The following CTNNA2 variants were observed in gnomAD, a reference collection of about 807,000 sequenced individuals.
The protein encoded by CTNNA2 is catenin alpha-2.
Under a neutral mutation model 101.0 loss-of-function variants are expected in CTNNA2, and 42 were observed. The observed-to-expected ratio is 0.42, with a 90% CI of 0.32 to 0.54. The LOEUF is 0.54. CTNNA2 is among the 20% of genes least tolerant of loss of function. CTNNA2 has a pLI of 0.14. For missense variants in CTNNA2, 871 were observed against 1,223.1 expected (o/e 0.71, Z 4.29); for synonymous variants, 450 against 456.4 (o/e 0.99, Z 0.18).
At chr2:80,161,112 T>C (rs1184377848) in intron 7 of CTNNA2, among the ~76,000 whole-genome samples, 1 of 152,166 alleles carries the variant, frequency 6.6e-6, no homozygotes, top group Non-Finnish European at 1.5e-5. Flanking sequence ...GGATGTGATC[T>C]TGGCTCACTG....
chr2:80,302,886 C>T lies in CTNNA2; in HGVS notation c.1057-90325C>T. ...CGCCCGCAATCCCACAGGTTCCCGG[C>T]CAGGGTGATGCTTGTCAGGGACTTC... On this transcript the variant is annotated intron_variant, in intron 7 of 18. Coordinates refer to ENST00000402739, the MANE Select transcript of CTNNA2 (RefSeq NM_001282597.3). This position sits in a 1 kb window ranked among gnomAD's most constrained non-coding sequence, Gnocchi z 6.4. The T allele has an allele frequency of 6.2e-7, 1 of 1,614,124 alleles. No individual in the cohort carries two copies. Among genetic ancestry groups the T allele is most frequent in the East Asian group, 2.2e-5 (1 of 44,860 alleles).
At chr2:79,451,262 T>C (rs1670745861) in intron 4 of CTNNA2, among the ~76,000 whole-genome samples, 1 of 152,134 alleles carries the variant, frequency 6.6e-6, no homozygotes, top group African/African-American at 2.4e-5. Flanking sequence ...GTGAGGATCC[T>C]TTTAGGATCA....
At chr2:79,888,550 G>A (rs568600880) in intron 6 of CTNNA2, among the ~76,000 whole-genome samples, 57 of 152,162 alleles carry the variant, frequency 3.7e-4, no homozygotes, top group Middle Eastern at 3.4e-3. Context: ...AATCACTAAA[G>A]ATCTCTAAAA....
chr2:79,840,812 C>A (rs551454576), intron 3 of CTNNA2, among the ~76,000 whole-genome samples: 3 of 150,432 alleles, frequency 2.0e-5, no homozygotes, highest in African/African-American at 4.9e-5. Flanking sequence ...TCGCCCAGGC[C>A]GGACTGCAGT....
rs1291677484 is a variant in CTNNA2 at position 79,408,794 on chromosome 2, G to T, written c.-135+34781G>T. On this transcript the variant is annotated intron_variant, in intron 4 of 21. Coordinates refer to the CTNNA2 transcript ENST00000466387. ...TGTGTCTTTATAGCAGCATGATTTA[G>T]AGTCCTTTGGGTATATACCCAGTAA... Among the ~76,000 whole-genome samples the T allele has an allele frequency of 9.9e-5, 15 of 151,750 alleles. 1 individual carries two copies. Among genetic ancestry groups the T allele is most frequent in the Admixed American group, 2.0e-4 (3 of 15,194 alleles).
At chr2:80,157,478 T>G (rs1236542266) in intron 7 of CTNNA2, among the ~76,000 whole-genome samples, 1 of 152,124 alleles carries the variant, frequency 6.6e-6, no homozygotes. Flanking sequence ...GTTGACTGCC[T>G]GTTAGATGTG....
intron 3 of CTNNA2, among the ~76,000 whole-genome samples, chr2:79,753,867 CTTTT>C (rs1170637332): frequency 3.7e-5 from 5 of 134,900 alleles, no homozygotes; most frequent in African/African-American, 5.7e-5. Context: ...CTTTTTCTCT[CTTTT>C]TTTTTTTTTT....
At chr2:79,393,129 T>A (rs1678192849) in intron 4 of CTNNA2, among the ~76,000 whole-genome samples, 1 of 152,142 alleles carries the variant, frequency 6.6e-6, no homozygotes. Flanking sequence ...CCCTTTAAGG[T>A]TGGGACCAGT....
chr2:79,698,314 T>G (rs1684773848), intron 2 of CTNNA2, among the ~76,000 whole-genome samples: 1 of 152,024 alleles, frequency 6.6e-6, no homozygotes, highest in Non-Finnish European at 1.5e-5. Flanking sequence ...TACTATATAT[T>G]CCTATATTTA....
chr2:79,782,117 A>G (rs4602245), intron 3 of CTNNA2, among the ~76,000 whole-genome samples: 39,494 of 152,120 alleles, frequency 0.26, 5,534 homozygotes, highest in South Asian at 0.4. Context: ...AAATCTTTAA[A>G]TTTTTTAAGG....
intron 7 of CTNNA2, among the ~76,000 whole-genome samples, chr2:80,230,260 G>GT (rs375509574): frequency 0.47 from 57,107 of 121,542 alleles, 13,599 homozygotes; most frequent in Non-Finnish European, 0.58. Flanking sequence ...TTTTTTCTTT[G>GT]TTTTTTTTTT....
intron 7 of CTNNA2, chr2:80,313,734 C>T: frequency 1.9e-6 from 2 of 1,051,228 alleles, no homozygotes; most frequent in South Asian, 2.9e-5. Flanking sequence ...ATATGATTTC[C>T]AAAATGTGAG....
chr2:80,177,297 A>G (rs928942191), intron 7 of CTNNA2, among the ~76,000 whole-genome samples: 3 of 152,232 alleles, frequency 2.0e-5, no homozygotes, highest in South Asian at 2.1e-4. Context: ...CATTTCATGC[A>G]GGATAGGCAA....
Position 79,948,825 on chromosome 2 carries a change from G to A in CTNNA2, c.1056+39028G>A, listed in dbSNP as rs576063911. Among the ~76,000 whole-genome samples, 9 of 152,158 alleles carry A rather than the reference G, an allele frequency of 5.9e-5. No homozygotes were observed. In the East Asian group the frequency reaches 7.8e-4, roughly 13 times the overall value. On this transcript the variant is annotated intron_variant, in intron 7 of 18. Coordinates refer to ENST00000402739, the MANE Select transcript of CTNNA2 (RefSeq NM_001282597.3). ...CTATTAAAAATACAAAAAAATAGCCGGGCGTGGTGACGGGTGCCTGTAGTC... is the reference window on the plus strand; with the variant it reads ...CTATTAAAAATACAAAAAAATAGCCAGGCGTGGTGACGGGTGCCTGTAGTC...
At chr2:79,194,614 A>G (rs576910020) in intron 1 of CTNNA2, among the ~76,000 whole-genome samples, 1 of 152,282 alleles carries the variant, frequency 6.6e-6, no homozygotes, top group Admixed American at 6.5e-5. Flanking sequence ...GCTTCTCTGT[A>G]GTTCATTGCT....
rs1430545501 is a variant in CTNNA2, at chr2:79,651,654, C to T, written c.98C>T (p.Thr33Ile). 1 of 1,613,228 alleles carries T rather than the reference C, an allele frequency of 6.2e-7. No individual in the cohort carries two copies. ...GAAAGGCTGTTGGAGCCACTTGTTA[C>T]ACAGGTAAGGGATGCTTTGAAACCA... is the stretch of plus-strand genomic sequence containing the variant. Reference protein sequence around the residue: ...TVERLLEPLVTQVTTLVNTSN... With the variant: ...TVERLLEPLVIQVTTLVNTSN... The change falls in exon 2 of 19, where the codon ACA becomes ATA. Residue 33 changes from threonine (T) to isoleucine (I), a missense_variant. Coordinates refer to ENST00000402739, the MANE Select transcript of CTNNA2 (RefSeq NM_001282597.3).
At chr2:79,317,583 A>C (rs1413438239) in intron 3 of CTNNA2, among the ~76,000 whole-genome samples, 1 of 152,078 alleles carries the variant, frequency 6.6e-6, no homozygotes, top group Non-Finnish European at 1.5e-5. Flanking sequence ...TGTTCTACCA[A>C]GTCATAAGGA....
chr2:80,223,315 G>A (rs996240171), intron 7 of CTNNA2, among the ~76,000 whole-genome samples: 1 of 152,180 alleles, frequency 6.6e-6, no homozygotes, highest in Non-Finnish European at 1.5e-5. Flanking sequence ...AGGAAGGGAA[G>A]AGAGAGGAAT....
At chr2:80,429,644 T>C (rs72821979) in intron 9 of CTNNA2, among the ~76,000 whole-genome samples, 237 of 152,336 alleles carry the variant, frequency 1.6e-3, no homozygotes, top group Non-Finnish European at 2.4e-3. Flanking sequence ...GAGAACAGCT[T>C]TATTTTACTG....
Sources: allele counts gnomAD v4.1 joint callset (sites outside exome capture counted in the v4.1 genomes callset), GRCh38; gene constraint gnomAD v4.1.1; non-coding constraint Gnocchi (gnomAD v3.1); transcripts MANE v1.5; gene names NCBI Gene and HGNC (gene_info 2026-07-23, HGNC 2026-07-21).